The following ILDR1 variants were observed in gnomAD, a reference collection of about 807,000 sequenced individuals.
ILDR1 encodes the protein immunoglobulin like domain containing receptor 1, also known as immunoglobulin-like domain-containing receptor 1.
In ILDR1, 56 loss-of-function variants were observed where a neutral mutation model predicts 62.4. The ratio of observed to expected loss-of-function variants is 0.90; its 90% CI spans 0.72 to 1.12. ILDR1 has a LOEUF of 1.12. ILDR1 is among the 50% of genes most tolerant of loss of function. The probability of loss-of-function intolerance (pLI) is 0.00; values close to 1 mark genes in which losing one functional copy is unlikely to be tolerated. For missense variants in ILDR1, 736 were observed against 710.6 expected (o/e 1.04, Z -0.41); for synonymous variants, 284 against 277.8 (o/e 1.02, Z -0.22).
intron 1 of ILDR1, among the ~76,000 whole-genome samples, chr3:122,011,807 C>T (rs143126498): frequency 1.9e-4 from 29 of 152,170 alleles, no homozygotes; most frequent in Middle Eastern, 3.4e-3. Flanking sequence ...GATGTACATT[C>T]TTGGTCTCTA....
chr3:121,995,091 G>A (rs1485247571), intron 5 of ILDR1, among the ~76,000 whole-genome samples: 1 of 152,182 alleles, frequency 6.6e-6, no homozygotes, highest in Non-Finnish European at 1.5e-5. Context: ...TGTCACTCCA[G>A]CCCCTTAGGT....
chr3:122,018,290 G>T (rs548701284), intron 1 of ILDR1, among the ~76,000 whole-genome samples: 2 of 148,396 alleles, frequency 1.3e-5, no homozygotes, highest in South Asian at 4.2e-4. Flanking sequence ...CTATCACAAG[G>T]ACAAAAAACC....
At chr3:122,041,705 G>A in the ILDR1 span, among the ~76,000 whole-genome samples, 1 of 151,864 alleles carries the variant, frequency 6.6e-6, no homozygotes, top group Non-Finnish European at 1.5e-5. Context: ...TCCTTTGCAG[G>A]TTGTTCATTG....
the ILDR1 span, among the ~76,000 whole-genome samples, chr3:122,060,232 A>G: frequency 6.6e-6 from 1 of 152,218 alleles, no homozygotes; most frequent in African/African-American, 2.4e-5. Flanking sequence ...AATTCTGCAG[A>G]AAGGCGAAGT....
At chr3:122,005,000 C>T (rs2071582292) in intron 3 of ILDR1, among the ~76,000 whole-genome samples, 1 of 152,208 alleles carries the variant, frequency 6.6e-6, no homozygotes, top group South Asian at 2.1e-4. Flanking sequence ...ACCCCTAGAC[C>T]TTTAGCCAAA....
Position 122,001,347 on chromosome 3 carries a change from A to T in ILDR1, c.607T>A (p.Cys203Ser). Residue 203 changes from cysteine (C) to serine (S), a missense_variant, in exon 5 of 8, where the codon TGT (cysteine) becomes AGT (serine). Transcript: ENST00000344209. ...CAGCAGTGGGCAGGACAGCAGGGAC[A>T]GCGGATATAGCAGCAGCAATACTGA... ...CPQYCCCYIR[C>S]PCCPAHCCCP... The T allele has an allele frequency of 1.2e-6, 2 of 1,614,210 alleles. No homozygotes were observed. The highest frequency in any genetic ancestry group is 1.7e-6 in the Non-Finnish European group (2 of 1,180,046).
At chr3:122,052,665 C>T in the ILDR1 span, among the ~76,000 whole-genome samples, 1 of 152,094 alleles carries the variant, frequency 6.6e-6, no homozygotes, top group Admixed American at 6.5e-5. Flanking sequence ...CCTCCGCCTC[C>T]CGGGTTCAAG....
intron 5 of ILDR1, among the ~76,000 whole-genome samples, chr3:121,997,888 G>T (rs1343758341): frequency 6.6e-6 from 1 of 152,180 alleles, no homozygotes; most frequent in Non-Finnish European, 1.5e-5. Flanking sequence ...ACTATCAAGG[G>T]TTACTAAAAT....
chr3:122,022,004 T>G lies in ILDR1; in HGVS notation c.58+16A>C, dbSNP rs369593177. On this transcript the variant is annotated intron_variant, in intron 1 of 7. Transcript: ENST00000344209. ...CTCCTTGGGTCCAGGGTGGGTACCA[T>G]TTTTCCAAGGCTCACCTGCTGGGAG... is the stretch of plus-strand genomic sequence containing the variant. 2.5e-6 allele frequency: 4 copies of G among 1,606,866 alleles called. No homozygotes were observed.
At position 122,005,932 on chromosome 3, in the gene ILDR1, CAAACA is replaced by C. The variant is rs1289578023; in HGVS notation, c.230-544_230-540del. Among the ~76,000 whole-genome samples the C allele has an allele frequency of 7.4e-4, 103 of 138,952 alleles. No homozygotes were observed. The East Asian group carries it at 9.1e-3, about 12-fold the overall frequency. 91.2% of individuals were successfully genotyped at this position (138,952 alleles called of 152,430 possible). ...AAACAAAAACAAAAACAAAAACAAA[CAAACA>C]AAAAAAAAACCAAAACAGAAAATAT... On this transcript the variant is annotated intron_variant, in intron 2 of 7. Coordinates refer to ENST00000344209, the MANE Select transcript of ILDR1 (RefSeq NM_001199799.2).
At chr3:122,001,959 C>T (rs1361241153) in intron 3 of ILDR1, 95 bp from the exon 4 acceptor site, 1 of 1,407,786 alleles carries the variant, frequency 7.1e-7, no homozygotes, top group African/African-American at 1.4e-5. Flanking sequence ...CATGGCAAGA[C>T]CTTGTATTTA....
the ILDR1 span, among the ~76,000 whole-genome samples, chr3:122,050,901 CAGAG>C: frequency 6.6e-6 from 1 of 152,074 alleles, no homozygotes; most frequent in Non-Finnish European, 1.5e-5. Context: ...CTAGTTTTGC[CAGAG>C]AGAGTATTCT....
chr3:121,993,278 T>C lies in ILDR1; in HGVS notation c.1471A>G (p.Ser491Gly), dbSNP rs1372459480. The C allele has an allele frequency of 1.9e-6, 3 of 1,613,432 alleles. No homozygotes were observed. The highest frequency in any genetic ancestry group is 1.7e-6 in the Non-Finnish European group (2 of 1,179,792). Residue 491 changes from serine to glycine, a missense_variant, in exon 7 of 8, where the codon AGC (serine) becomes GGC (glycine). Coordinates refer to ENST00000344209, the MANE Select transcript of ILDR1 (RefSeq NM_001199799.2). ...GAGCCGCGGCGGTGGGCCCGCCAGC[T>C]CTGGGGCTGCCTCTCCTTGTCCTCT... Reference protein sequence around the residue: ...SEEDKERQPQSWRAHRRGSHS... With the variant: ...SEEDKERQPQGWRAHRRGSHS...
At chr3:122,060,332 G>A in the ILDR1 span, among the ~76,000 whole-genome samples, 1 of 152,180 alleles carries the variant, frequency 6.6e-6, no homozygotes, top group African/African-American at 2.4e-5. Context: ...AGTAGACTTT[G>A]GAGAGCTTGG....
the ILDR1 span, among the ~76,000 whole-genome samples, chr3:122,056,554 G>A: frequency 6.6e-6 from 1 of 152,058 alleles, no homozygotes; most frequent in Admixed American, 6.5e-5. Flanking sequence ...GGATGGTCTC[G>A]ATCTCTTGAC....
intron 1 of ILDR1, among the ~76,000 whole-genome samples, chr3:122,011,123 A>C (rs908731856): frequency 2.6e-5 from 4 of 152,226 alleles, no homozygotes; most frequent in Admixed American, 1.3e-4. Context: ...TAACTGGTGC[A>C]GTCACTCTGA....
At chr3:122,028,154 T>C in the ILDR1 span, among the ~76,000 whole-genome samples, 68 of 151,108 alleles carry the variant, frequency 4.5e-4, 1 homozygote, top group South Asian at 2.7e-3. Flanking sequence ...GGTGAAACCC[T>C]GTCTCTACTA....
At chr3:122,039,755 G>T in the ILDR1 span, among the ~76,000 whole-genome samples, 2,632 of 152,050 alleles carry the variant, frequency 0.017, 32 homozygotes, top group Non-Finnish European at 0.028. Flanking sequence ...AAAATTTATT[G>T]TTACTTATAT....
chr3:122,014,103 G>A (rs563419069), intron 1 of ILDR1, among the ~76,000 whole-genome samples: 2 of 152,318 alleles, frequency 1.3e-5, no homozygotes, highest in South Asian at 4.1e-4. Context: ...AAATGGTTGA[G>A]ATTTAACCCT....
Sources: gnomAD v4.1 joint callset for allele counts (sites outside exome capture counted in the v4.1 genomes callset) on GRCh38, gnomAD v4.1.1 for gene constraint, MANE v1.5 for transcripts, NCBI Gene and HGNC (gene_info 2026-07-23, HGNC 2026-07-21) for gene names.